Variants in TBX4 observed in about 807,000 individuals in gnomAD.
TBX4 encodes T-box transcription factor TBX4.
TBX4 carries 13 observed loss-of-function variants against 54.6 expected under a neutral mutation model. The ratio of observed to expected loss-of-function variants is 0.24; its 90% CI spans 0.15 to 0.38. The LOEUF is 0.38. Ranked by LOEUF, TBX4 falls within the 10% of genes least tolerant of loss-of-function variation. The probability of loss-of-function intolerance (pLI) is 1.00; values close to 1 mark genes in which losing one functional copy is unlikely to be tolerated. For synonymous variants in TBX4, 314 were observed against 306.7 expected (o/e 1.02, Z -0.25); for missense variants, 631 against 728.5 (o/e 0.87, Z 1.54).
chr17:61,482,147 T>A (rs3785821), intron 8 of TBX4, among the ~76,000 whole-genome samples: 39,566 of 151,716 alleles, frequency 0.26, 6,022 homozygotes, highest in East Asian at 0.36. Context: ...CCAGGGGAGG[T>A]CATGCCACTC....
Position 61,465,343 on chromosome 17 carries a change from T to C in TBX4, c.282-476T>C, listed in dbSNP as rs2060527284. ...ATGACCCAGAGGAGGCAGCTCATTA[T>C]TTATGGAAGCAGCTGACGGGGGTTT... On this transcript the variant is annotated intron_variant, in intron 3 of 8. Coordinates refer to ENST00000644296, the MANE Select transcript of TBX4 (RefSeq NM_001321120.2). The surrounding 1 kb of genome is among the most constrained non-coding windows in gnomAD (Gnocchi z 4.9). Among the ~76,000 whole-genome samples the C allele has an allele frequency of 6.6e-6, 1 of 152,196 alleles. No individual in the cohort carries two copies.
chr17:61,453,017 C>A, intron 1 of TBX4: 1 of 983,528 alleles, frequency 1.0e-6, no homozygotes, highest in South Asian at 4.7e-5. Flanking sequence ...GACTCAGAGC[C>A]TTTGATGCAA....
In TBX4 at chr17:61,483,076, G is replaced by A. The variant is rs765739860; in HGVS notation, c.1201G>A (p.Glu401Lys). ...EACMYSGSGPEIAGVSGVDDL... is the reference protein window; with the variant it reads ...EACMYSGSGPKIAGVSGVDDL... ...ATGTATGTACTCAGGTTCAGGGCCC[G>A]AGATTGCCGGGGTGTCTGGGGTGGA... is the stretch of plus-strand genomic sequence containing the variant. Residue 401 changes from glutamate to lysine, a missense_variant, in exon 9 of 9, where the codon GAG becomes AAG. Transcript: ENST00000644296. The surrounding 1 kb of genome is among the most constrained non-coding windows in gnomAD (Gnocchi z 6.6). The A allele has an allele frequency of 2.2e-5, 35 of 1,613,952 alleles. No homozygotes were observed. The highest frequency in any genetic ancestry group is 2.7e-5 in the Non-Finnish European group (32 of 1,180,034).
rs538874369 is a variant in TBX4 at position 61,470,509 on chromosome 17, C to T, written c.549+2852C>T. ...GAACCTCCTAAAAGGACTGAGCTCCCACTAGAACAACACTCCTTGTGGGTT... is the reference window on the plus strand; with the variant it reads ...GAACCTCCTAAAAGGACTGAGCTCCTACTAGAACAACACTCCTTGTGGGTT... On this transcript the variant is annotated intron_variant, in intron 5 of 8. Transcript: ENST00000644296. 2.0e-5 allele frequency among the ~76,000 whole-genome samples: 3 copies of T among 152,182 alleles called. No individual in the cohort carries two copies. In the East Asian group the frequency reaches 5.8e-4, roughly 29 times the overall value.
intron 3 of TBX4, among the ~76,000 whole-genome samples, chr17:61,458,392 A>G (rs1315884033): frequency 6.6e-6 from 1 of 151,968 alleles, no homozygotes; most frequent in African/African-American, 2.4e-5. Flanking sequence ...ATTGCTGTAG[A>G]CAGAGACGCT....
rs913426874 is a variant in TBX4 at position 61,480,406 on chromosome 17, AAC to A, written c.1021+98_1021+99del. 310 of 918,690 alleles carry A rather than the reference AAC, an allele frequency of 3.4e-4. No individual in the cohort carries two copies. The highest frequency in any genetic ancestry group is 9.1e-4 in the Middle Eastern group (3 of 3,292). The allele number at this position is 918,690 out of a possible 1,614,324, so 56.9% of individuals were successfully genotyped here. Reference sequence around the variant, plus strand: ...ACCACTCTGCAGCGCCCCCCCCCCCAACACACACACACTCATCTCGTGCTTGT... The same window carrying A: ...ACCACTCTGCAGCGCCCCCCCCCCCAACACACACACTCATCTCGTGCTTGT... On this transcript the variant is annotated intron_variant, in intron 8 of 8. Coordinates refer to ENST00000644296, the MANE Select transcript of TBX4 (RefSeq NM_001321120.2). The surrounding 1 kb of genome is among the most constrained non-coding windows in gnomAD (Gnocchi z 6.2).
rs139048040 is a variant in TBX4 at position 61,463,981 on chromosome 17, G to C, written c.282-1838G>C. 6.9e-3 allele frequency among the ~76,000 whole-genome samples: 1,054 copies of C among 152,320 alleles called. 8 individuals carry two copies. Among genetic ancestry groups the C allele is most frequent in the Non-Finnish European group, 9.9e-3 (674 of 68,022 alleles). ...CCAGCTGCGCCCCCAGGCCCCATAG[G>C]GGGGCTGGTAAGCAGGAGGCAGGGT... On this transcript the variant is annotated intron_variant, in intron 3 of 8. Coordinates refer to ENST00000644296, the MANE Select transcript of TBX4 (RefSeq NM_001321120.2).
In TBX4 at chr17:61,480,445, G is replaced by C. The variant is rs1305702267; in HGVS notation, c.1021+126G>C. On this transcript the variant is annotated intron_variant, in intron 8 of 8. Transcript: ENST00000644296. The surrounding 1 kb of genome is among the most constrained non-coding windows in gnomAD (Gnocchi z 6.2). ...CATCTCGTGCTTGTGTGGCCTGGGA[G>C]AGTGGGCCTGAAGGGTTAGGGATCA... 9 of 897,246 alleles carry C rather than the reference G, an allele frequency of 1.0e-5. No individual in the cohort carries two copies. The African/African-American group carries it at 1.5e-4, about 15-fold the overall frequency. The allele number at this position is 897,246 out of a possible 1,614,324, so 55.6% of individuals were successfully genotyped here. A position where few individuals can be genotyped will look rare whatever the true frequency, so the allele number is the denominator to read the frequency against.
At chr17:61,468,248 T>C (rs964959909) in intron 5 of TBX4, among the ~76,000 whole-genome samples, 3 of 152,204 alleles carry the variant, frequency 2.0e-5, no homozygotes, top group African/African-American at 7.2e-5. Context: ...ACAGAAGAGA[T>C]TCTGAAGCCC....
intron 3 of TBX4, among the ~76,000 whole-genome samples, chr17:61,458,680 A>T (rs771308927): frequency 6.6e-6 from 1 of 152,206 alleles, no homozygotes; most frequent in Admixed American, 6.5e-5. Context: ...TCCCCACTCC[A>T]TCTGTAAAAG....
Position 61,483,050 on chromosome 17 carries a change from C to T in TBX4, c.1175C>T (p.Ala392Val). The change falls in exon 9 of 9, where the codon GCA becomes GTA. Residue 392 changes from alanine (A) to valine (V), a missense_variant. Physicochemically the swap from Ala to Val is moderately conservative, Grantham distance 64. Coordinates refer to ENST00000644296, the MANE Select transcript of TBX4 (RefSeq NM_001321120.2). The surrounding 1 kb of genome is among the most constrained non-coding windows in gnomAD (Gnocchi z 6.6). ...TGCAGTGAGGTGACCCCCAGAGAAG[C>T]ATGTATGTACTCAGGTTCAGGGCCC... ...SYCSEVTPRE[A>V]CMYSGSGPEI... 1 of 1,614,084 alleles carries T rather than the reference C, an allele frequency of 6.2e-7. No homozygotes were observed.
chr17:61,483,484 A>G lies in TBX4; in HGVS notation c.1609A>G (p.Met537Val). ...ATCTTCCTTACAGTACCATTCAGGAATGGGGACTGTGGAGAACTGGACTGA... is the reference window on the plus strand; with the variant it reads ...ATCTTCCTTACAGTACCATTCAGGAGTGGGGACTGTGGAGAACTGGACTGA... ...RESSLQYHSG[M>V]GTVENWTDG The change falls in exon 9 of 9, where the codon ATG becomes GTG. Residue 537 changes from methionine to valine, a missense_variant. Physicochemically the swap from Met to Val is conservative, Grantham distance 21. This residue lies in a region of TBX4 where 354 missense variants were observed against 368.9 expected (regional missense o/e 0.96). Transcript: ENST00000644296. This position sits in a 1 kb window ranked among gnomAD's most constrained non-coding sequence, Gnocchi z 6.6. 2 of 1,614,176 alleles carry G rather than the reference A, an allele frequency of 1.2e-6. No individual in the cohort carries two copies. The highest frequency in any genetic ancestry group is 1.7e-6 in the Non-Finnish European group (2 of 1,180,038).
chr17:61,470,420 C>T (rs1189656688), intron 5 of TBX4, among the ~76,000 whole-genome samples: 1 of 152,220 alleles, frequency 6.6e-6, no homozygotes, highest in Non-Finnish European at 1.5e-5. Flanking sequence ...AGTCTTGGGC[C>T]TGGTAGCCTG....
In TBX4 at chr17:61,482,924, C is replaced by A; in HGVS notation, c.1049C>A (p.Pro350His). ...GACGGTACCCGCCACCTGGACTTACCTTGCAAGCGATCCTATCTGGAAGCC... is the reference window on the plus strand; with the variant it reads ...GACGGTACCCGCCACCTGGACTTACATTGCAAGCGATCCTATCTGGAAGCC... ...RADGTRHLDL[P>H]CKRSYLEAPS... Residue 350 changes from proline (P) to histidine (H), a missense_variant, in exon 9 of 9, where the codon CCT (proline) becomes CAT (histidine). Pro to His is a moderately conservative substitution (Grantham distance 77). Coordinates refer to ENST00000644296, the MANE Select transcript of TBX4 (RefSeq NM_001321120.2). 6.2e-7 allele frequency: 1 copy of A among 1,613,880 alleles called. No individual in the cohort carries two copies. The highest frequency in any genetic ancestry group is 8.5e-7 in the Non-Finnish European group (1 of 1,179,926).
At chr17:61,452,837 A>C in intron 1 of TBX4, 3 of 811,482 alleles carry the variant, frequency 3.7e-6, no homozygotes, top group Non-Finnish European at 4.5e-6. Context: ...AATTGGGTCT[A>C]GAGATCCAAG....
intron 8 of TBX4, among the ~76,000 whole-genome samples, chr17:61,482,333 A>G (rs895106685): frequency 3.3e-5 from 5 of 152,262 alleles, no homozygotes; most frequent in African/African-American, 1.2e-4. Flanking sequence ...GAATCTGTGT[A>G]GTAAAAATCT....
chr17:61,456,113 A>T (rs1372100854), intron 1 of TBX4, among the ~76,000 whole-genome samples: 1 of 152,032 alleles, frequency 6.6e-6, no homozygotes, highest in Non-Finnish European at 1.5e-5. Flanking sequence ...GACCCCAGTT[A>T]TTGGGGAACA....
At chr17:61,482,583 T>C (rs3785819) in intron 8 of TBX4, among the ~76,000 whole-genome samples, 54,578 of 152,144 alleles carry the variant, frequency 0.36, 11,563 homozygotes, top group African/African-American at 0.59. Context: ...CCACTGCACA[T>C]CAGGGCCTCT....
Position 61,457,764 on chromosome 17 carries a change from C to T in TBX4, c.281+133C>T, listed in dbSNP as rs895634001. On this transcript the variant is annotated intron_variant, in intron 3 of 8. Transcript: ENST00000644296. This position sits in a 1 kb window ranked among gnomAD's most constrained non-coding sequence, Gnocchi z 8.2. ...TCTCTGCCTCCTCGGGCGTCAGTGC[C>T]ACCTCCCTTCGCAGCTTGGGACTGG... The T allele has an allele frequency of 1.7e-5, 14 of 824,332 alleles. No homozygotes were observed. Among genetic ancestry groups the T allele is most frequent in the African/African-American group, 3.4e-5 (2 of 58,854 alleles). The allele number at this position is 824,332 out of a possible 1,614,324, so 51.1% of individuals were successfully genotyped here.
Sources: allele counts gnomAD v4.1 joint callset (sites outside exome capture counted in the v4.1 genomes callset), GRCh38; gene constraint gnomAD v4.1.1; regional missense constraint gnomAD v4.1.1; non-coding constraint Gnocchi (gnomAD v3.1); transcripts MANE v1.5; gene names NCBI Gene and HGNC (gene_info 2026-07-23, HGNC 2026-07-21).